ADGRG2: variants seen among roughly 807,000 people sequenced by gnomAD.
The protein encoded by ADGRG2 is G protein-coupled receptor 64.
A neutral mutation model predicts 74.1 loss-of-function variants in ADGRG2; 26 were observed. That is an observed-to-expected ratio of 0.35 (90% CI 0.26 to 0.49). The LOEUF is 0.49. Ranked by LOEUF, ADGRG2 falls within the 20% of genes least tolerant of loss-of-function variation. The probability of loss-of-function intolerance (pLI) is 0.99; values close to 1 mark genes in which losing one functional copy is unlikely to be tolerated. For missense variants in ADGRG2, 619 were observed against 763.1 expected (o/e 0.81, Z 2.22); for synonymous variants, 296 against 295.2 (o/e 1.00, Z -0.03).
intron 9 of ADGRG2, among the ~76,000 whole-genome samples, chrX:19,030,612 A>G (rs2060805703): frequency 1.8e-5 from 2 of 112,275 alleles, no homozygotes; most frequent in Admixed American, 9.5e-5. Context: ...TTAAGGCCCT[A>G]TGGAAAAGCT....
intron 9 of ADGRG2, 53 bp from the exon 10 acceptor site, chrX:19,028,291 G>A: frequency 1.9e-6 from 1 of 533,189 alleles, no homozygotes; most frequent in Non-Finnish European, 3.2e-6. Flanking sequence ...TATAGCTTGA[G>A]GATTAATACC....
At chrX:19,059,971 A>C (rs1387118126) in intron 3 of ADGRG2, among the ~76,000 whole-genome samples, 2 of 111,017 alleles carry the variant, frequency 1.8e-5, no homozygotes, top group African/African-American at 6.5e-5. Flanking sequence ...GTCTCTACTA[A>C]AAATTCAAAA....
intron 3 of ADGRG2, among the ~76,000 whole-genome samples, chrX:19,046,702 G>A (rs188438752): frequency 2.5e-3 from 280 of 111,937 alleles, no homozygotes; most frequent in African/African-American, 8.9e-3. Flanking sequence ...AGAGCAAAGG[G>A]GGGAGGTAAT....
chrX:19,001,105 A>G (rs1216065246), intron 24 of ADGRG2, among the ~76,000 whole-genome samples: 1 of 111,173 alleles, frequency 9.0e-6, no homozygotes, highest in African/African-American at 3.3e-5. Context: ...ATCTTTCATT[A>G]TGAAACCAAA....
In ADGRG2 at chrX:19,055,270, G is replaced by GTA. The variant is rs1210510050; in HGVS notation, c.118+13445_118+13446dup. 2.1e-4 allele frequency among the ~76,000 whole-genome samples: 23 copies of GTA among 108,679 alleles called. No homozygotes were observed. The East Asian group carries it at 2.4e-3, about 11-fold the overall frequency. The allele number at this position is 108,679 out of a possible 115,157, so 94.4% of individuals were successfully genotyped here. On this transcript the variant is annotated intron_variant, in intron 3 of 28. Transcript: ENST00000379869. The stretch of plus-strand genomic sequence containing the variant: ...TGTGTGTGTGTGTGTGTGTGTGTGT[G>GTA]TATGTGTGTGTGTGTGCGCGCGCAC...
chrX:19,103,138 G>A (rs745346912), intron 1 of ADGRG2, among the ~76,000 whole-genome samples: 34 of 111,217 alleles, frequency 3.1e-4, no homozygotes, highest in South Asian at 3.9e-4. Context: ...AACAGGATGC[G>A]GTAAAGAGGC....
intron 13 of ADGRG2, among the ~76,000 whole-genome samples, chrX:19,022,981 G>A (rs1027452898): frequency 2.7e-5 from 3 of 112,526 alleles, no homozygotes; most frequent in African/African-American, 9.7e-5. Flanking sequence ...ACAGGCGTGA[G>A]CCACCACACC....
rs776571729 is a variant in ADGRG2, at chrX:18,994,938, G to A, written c.2827C>T (p.Leu943=). ...ACTGAGCAATCATTATTCACTAGCA[G>A]TGTGGTGGAGTTAGTGGAGTTACTG... ...SSSNSTNSTT[L]LVNNDCSVHA... Residue 943 remains leucine, a synonymous_variant, in exon 28 of 29, where the codon CTG becomes TTG. Transcript: ENST00000379869. The A allele has an allele frequency of 3.3e-6, 4 of 1,202,418 alleles. No individual in the cohort carries two copies. The highest frequency in any genetic ancestry group is 4.5e-6 in the Non-Finnish European group (4 of 887,175).
At chrX:19,089,592 T>TA (rs1217307288) in intron 1 of ADGRG2, among the ~76,000 whole-genome samples, 1 of 112,004 alleles carries the variant, frequency 8.9e-6, no homozygotes, top group Non-Finnish European at 1.9e-5. Context: ...GCAAATGTGA[T>TA]ACAACCAAAA....
chrX:19,020,423 G>T (rs1274452213), intron 14 of ADGRG2, among the ~76,000 whole-genome samples: 1 of 111,110 alleles, frequency 9.0e-6, no homozygotes, highest in Non-Finnish European at 1.9e-5. Flanking sequence ...TCTCAACAGG[G>T]TTTATCATAT....
intron 1 of ADGRG2, among the ~76,000 whole-genome samples, chrX:19,104,970 A>T (rs1361909816): frequency 1.9e-5 from 2 of 107,380 alleles, no homozygotes; most frequent in African/African-American, 6.8e-5. Context: ...GTGGTGGCTC[A>T]TGCCTGTAAT....
intron 28 of ADGRG2, among the ~76,000 whole-genome samples, chrX:18,993,592 G>A (rs2148080170): frequency 9.4e-6 from 1 of 106,544 alleles, no homozygotes; most frequent in East Asian, 3.0e-4. Context: ...GAGGTGGGAG[G>A]ATCACTTGAG....
intron 26 of ADGRG2, among the ~76,000 whole-genome samples, chrX:18,996,576 C>T (rs1206451390): frequency 9.2e-6 from 1 of 109,244 alleles, no homozygotes; most frequent in African/African-American, 3.3e-5. Context: ...CACATCTTTC[C>T]CTTCCCACTC....
intron 1 of ADGRG2, among the ~76,000 whole-genome samples, chrX:19,093,597 C>G (rs1351350699): frequency 9.0e-6 from 1 of 111,365 alleles, no homozygotes; most frequent in Non-Finnish European, 1.9e-5. Context: ...ACCAGAGAAT[C>G]TGAAGATGAC....
intron 2 of ADGRG2, among the ~76,000 whole-genome samples, chrX:19,075,617 CAAAAA>C (rs61690480): frequency 7.6e-5 from 3 of 39,472 alleles, no homozygotes; most frequent in Admixed American, 3.4e-4. Context: ...GACTTCGCCT[CAAAAA>C]AAAAAAAAAA....
At chrX:19,081,467 C>G (rs1222028244) in intron 2 of ADGRG2, among the ~76,000 whole-genome samples, 1 of 111,263 alleles carries the variant, frequency 9.0e-6, no homozygotes, top group Non-Finnish European at 1.9e-5. Context: ...AGGAAACCAA[C>G]CCCGCCTCAC....
At chrX:18,996,449 G>A (rs1055970465) in intron 26 of ADGRG2, among the ~76,000 whole-genome samples, 5 of 110,629 alleles carry the variant, frequency 4.5e-5, no homozygotes, top group East Asian at 5.7e-4. Flanking sequence ...TTGGCCTTCC[G>A]TATCTTGGAA....
At position 19,033,726 on chromosome X, in the gene ADGRG2, C is replaced by A. The variant is rs765664243; in HGVS notation, c.263-72G>T. ...TTTAAAAACAATTTGCCATGAGTATCATTTTAGTGAAGTGCTAAAAAAAAA... is the reference window on the plus strand; with the variant it reads ...TTTAAAAACAATTTGCCATGAGTATAATTTTAGTGAAGTGCTAAAAAAAAA... On this transcript the variant is annotated intron_variant, in intron 7 of 28. Transcript: ENST00000379869. The A allele has an allele frequency of 1.0e-5, 5 of 497,209 alleles. No individual in the cohort carries two copies. The East Asian group carries it at 1.8e-4, about 18-fold the overall frequency. 41.0% of individuals were successfully genotyped at this position (497,209 alleles called of 1,213,427 possible).
intron 3 of ADGRG2, among the ~76,000 whole-genome samples, chrX:19,066,296 T>C (rs749083683): frequency 2.3e-4 from 26 of 111,690 alleles, no homozygotes; most frequent in African/African-American, 8.4e-4. Context: ...TTGTATGTTT[T>C]GTTGTTTGCT....
Sources: gnomAD v4.1 joint callset for allele counts (sites outside exome capture counted in the v4.1 genomes callset) on GRCh38, gnomAD v4.1.1 for gene constraint, MANE v1.5 for transcripts, NCBI Gene and HGNC (gene_info 2026-07-23, HGNC 2026-07-21) for gene names.